The following ZDHHC19 variants were observed in gnomAD, a reference collection of about 807,000 sequenced individuals.
ZDHHC19 encodes the protein palmitoyltransferase ZDHHC19.
A neutral mutation model predicts 33.9 loss-of-function variants in ZDHHC19; 30 were observed. That is an observed-to-expected ratio of 0.88 (90% CI 0.66 to 1.20). The LOEUF is 1.20. Ranked by LOEUF, ZDHHC19 falls within the 50% of genes most tolerant of loss-of-function variation. The pLI is 0.00. For synonymous variants in ZDHHC19, 178 were observed against 167.6 expected (o/e 1.06, Z -0.48); for missense variants, 364 against 401.1 (o/e 0.91, Z 0.79).
Position 196,198,315 on chromosome 3 carries a change from C to T in ZDHHC19, c.910G>A (p.Gly304Arg). 2.0e-6 allele frequency: 3 copies of T among 1,507,160 alleles called. No homozygotes were observed. The South Asian group carries it at 4.1e-5, about 21-fold the overall frequency. 93.4% of individuals were successfully genotyped at this position (1,507,160 alleles called of 1,614,324 possible). ...PTSGSLQSRE[G>R]TPGAW Reference sequence around the variant, plus strand: ...CAGCCTCACCACGCCCCGGGGGTCCCTTCCCTGCTTTGTAGGGACCCAGAG... The same window carrying T: ...CAGCCTCACCACGCCCCGGGGGTCCTTTCCCTGCTTTGTAGGGACCCAGAG... The change falls in exon 7 of 8, where the codon GGG becomes AGG. Residue 304 changes from glycine to arginine, a missense_variant. Gly to Arg is a moderately radical substitution (Grantham distance 125). Coordinates refer to ENST00000296326, the MANE Select transcript of ZDHHC19 (RefSeq NM_001039617.2).
Position 196,207,404 on chromosome 3 carries a change from CT to C in ZDHHC19, c.680del (p.Lys227ArgfsTer23). On this transcript the variant is annotated frameshift_variant, in exon 5 of 8. Coordinates refer to ENST00000296326, the MANE Select transcript of ZDHHC19 (RefSeq NM_001039617.2). LOFTEE classifies it high-confidence loss of function. ...CACCCGCGGCCCCGCGTACCTTGCC[CT>C]TGTAGGTGCGGTCGGCCGAGCTCAC... ...LSVSSADRTY[K>X]GKCRHLQGYN... 1 of 1,561,060 alleles carries C rather than the reference CT, an allele frequency of 6.4e-7. No homozygotes were observed. The highest frequency in any genetic ancestry group is 1.4e-5 in the African/African-American group (1 of 73,428).
chr3:196,206,323 A>C (rs1560136666), intron 5 of ZDHHC19, among the ~76,000 whole-genome samples: 1 of 151,854 alleles, frequency 6.6e-6, no homozygotes, highest in Non-Finnish European at 1.5e-5. Context: ...AAGTGCTGGG[A>C]TTACAGGTGT....
intron 5 of ZDHHC19, among the ~76,000 whole-genome samples, chr3:196,201,317 C>T (rs528383007): frequency 2.0e-4 from 30 of 151,428 alleles, no homozygotes; most frequent in African/African-American, 6.8e-4. Context: ...CCGCCCACCT[C>T]GGCCTCCCAA....
chr3:196,209,124 C>T, intron 3 of ZDHHC19: 1 of 487,246 alleles, frequency 2.1e-6, no homozygotes, highest in Non-Finnish European at 3.6e-6. Context: ...CCTCCCCTGG[C>T]CTGACCCAGC....
intron 4 of ZDHHC19, among the ~76,000 whole-genome samples, chr3:196,208,061 G>C (rs1005582060): frequency 2.6e-5 from 4 of 151,238 alleles, no homozygotes; most frequent in Non-Finnish European, 5.9e-5. Context: ...GAGCCATCAC[G>C]CCCGGCTAAT....
In ZDHHC19 at chr3:196,198,453, T is replaced by C; in HGVS notation, c.774-2A>G. 6.3e-7 allele frequency: 1 copy of C among 1,582,122 alleles called. No individual in the cohort carries two copies. The highest frequency in any genetic ancestry group is 8.6e-7 in the Non-Finnish European group (1 of 1,164,532). ...AGCTGGACAGCTTCAGCCATGTACC[T>C]GGGGAGCAGCAGGCCAGATGCAGGG... On this transcript the variant is annotated splice_acceptor_variant, in intron 6 of 7. Coordinates refer to ENST00000296326, the MANE Select transcript of ZDHHC19 (RefSeq NM_001039617.2). LOFTEE classifies it high-confidence loss of function.
At chr3:196,200,338 AT>A in intron 5 of ZDHHC19, among the ~76,000 whole-genome samples, 1 of 62,222 alleles carries the variant, frequency 1.6e-5, no homozygotes, top group Non-Finnish European at 3.4e-5. Context: ...ATATATATAT[AT>A]ATATGTATAT....
Position 196,198,433 on chromosome 3 carries a change from G to C in ZDHHC19, c.792C>G (p.Val264=). The change falls in exon 7 of 8, where the codon GTC becomes GTG. Residue 264 remains valine (V), a synonymous_variant. Transcript: ENST00000296326. The part of the protein sequence containing the change: ...PLGPKYMAEA[V]QLQRVVGPDW... Reference sequence around the variant, plus strand: ...CAGGCCCCACCACTCTCTGCAGCTGGACAGCTTCAGCCATGTACCTGGGGA... The same window carrying C: ...CAGGCCCCACCACTCTCTGCAGCTGCACAGCTTCAGCCATGTACCTGGGGA... 6.4e-7 allele frequency: 1 copy of C among 1,563,426 alleles called. No homozygotes were observed. Among genetic ancestry groups the C allele is most frequent in the Non-Finnish European group, 8.7e-7 (1 of 1,154,322 alleles).
At chr3:196,206,962 G>C (rs1002179402) in intron 5 of ZDHHC19, among the ~76,000 whole-genome samples, 3 of 152,026 alleles carry the variant, frequency 2.0e-5, no homozygotes, top group African/African-American at 4.8e-5. Context: ...CCTCCTCTCC[G>C]TCTTCTGTCT....
At chr3:196,209,830 C>G (rs576209763) in intron 2 of ZDHHC19, among the ~76,000 whole-genome samples, 7 of 152,328 alleles carry the variant, frequency 4.6e-5, no homozygotes, top group African/African-American at 1.7e-4. Flanking sequence ...CCTGGCCTGC[C>G]CGGTCCTCCC....
intron 1 of ZDHHC19, 138 bp downstream of exon 1, chr3:196,211,032 C>G (rs1035200847): frequency 7.7e-6 from 11 of 1,421,894 alleles, no homozygotes; most frequent in African/African-American, 7.2e-5. Context: ...CTTTGCACGT[C>G]GGTTCCCTCG....
chr3:196,207,907 C>A (rs1270734560), intron 4 of ZDHHC19, among the ~76,000 whole-genome samples: 1 of 139,604 alleles, frequency 7.2e-6, no homozygotes, highest in Admixed American at 7.4e-5. Context: ...CTTTAGCACC[C>A]GCTCCGTGAC....
chr3:196,203,606 C>G lies in ZDHHC19; in HGVS notation c.687+3792G>C, dbSNP rs1468044191. Among the ~76,000 whole-genome samples the G allele has an allele frequency of 1.3e-5, 2 of 152,178 alleles. No individual in the cohort carries two copies. The highest frequency in any genetic ancestry group is 4.1e-4 in the South Asian group (2 of 4,836). ...TGCGGGCTGCGGGAAGGAGCCCTGC[C>G]TGGTGAATCGCAGGCCACGTTAGGG... On this transcript the variant is annotated intron_variant, in intron 5 of 7. Coordinates refer to ENST00000296326, the MANE Select transcript of ZDHHC19 (RefSeq NM_001039617.2). The surrounding 1 kb of genome is among the most constrained non-coding windows in gnomAD (Gnocchi z 4.3).
intron 5 of ZDHHC19, among the ~76,000 whole-genome samples, chr3:196,202,663 C>T (rs1000362653): frequency 2.6e-5 from 4 of 152,174 alleles, no homozygotes; most frequent in Admixed American, 2.6e-4. Flanking sequence ...GGGGACAGGC[C>T]GCTTCCCTGC....
intron 1 of ZDHHC19, 139 bp from the exon 2 acceptor site, chr3:196,210,876 C>T: frequency 7.4e-7 from 1 of 1,346,052 alleles, no homozygotes; most frequent in Non-Finnish European, 1.0e-6. Context: ...CAGGCAGACT[C>T]ATAATGGCTC....
At chr3:196,206,445 C>T (rs917967257) in intron 5 of ZDHHC19, among the ~76,000 whole-genome samples, 5 of 151,462 alleles carry the variant, frequency 3.3e-5, no homozygotes, top group African/African-American at 4.9e-5. Flanking sequence ...CTCCATCTCC[C>T]GGGCTCAAAC....
At chr3:196,201,089 T>C (rs535542272) in intron 5 of ZDHHC19, among the ~76,000 whole-genome samples, 4 of 151,740 alleles carry the variant, frequency 2.6e-5, no homozygotes, top group Admixed American at 6.6e-5. Flanking sequence ...TTTCTTTTTT[T>C]TGAGACGGAG....
At chr3:196,205,469 A>G (rs1722659124) in intron 5 of ZDHHC19, among the ~76,000 whole-genome samples, 1 of 152,226 alleles carries the variant, frequency 6.6e-6, no homozygotes, top group African/African-American at 2.4e-5. Context: ...GTGGTTGCCA[A>G]AAGCCACAGG....
At chr3:196,202,767 C>T (rs975612984) in intron 5 of ZDHHC19, among the ~76,000 whole-genome samples, 5 of 152,216 alleles carry the variant, frequency 3.3e-5, no homozygotes, top group African/African-American at 1.2e-4. Context: ...AGAGCAGCAT[C>T]CGTGTGACAG....
Sources: gnomAD v4.1 joint callset for allele counts (sites outside exome capture counted in the v4.1 genomes callset) on GRCh38, gnomAD v4.1.1 for gene constraint, Gnocchi (gnomAD v3.1) non-coding constraint, MANE v1.5 for transcripts, NCBI Gene and HGNC (gene_info 2026-07-23, HGNC 2026-07-21) for gene names.